EPHB2: variants seen among roughly 807,000 people sequenced by gnomAD.
EPHB2 encodes ephrin type-B receptor 2.
A neutral mutation model predicts 96.4 loss-of-function variants in EPHB2; 18 were observed. That is an observed-to-expected ratio of 0.19 (90% CI 0.13 to 0.28). The LOEUF is 0.28. Among genes scored for constraint, EPHB2 ranks in the 10% least tolerant of loss-of-function variants. The probability of loss-of-function intolerance (pLI) is 1.00; values close to 1 mark genes in which losing one functional copy is unlikely to be tolerated. For missense variants in EPHB2, 989 were observed against 1,355.4 expected (o/e 0.73, Z 4.25); for synonymous variants, 506 against 534.1 (o/e 0.95, Z 0.72).
At chr1:22,904,192 C>G (rs752260531) in intron 9 of EPHB2, among the ~76,000 whole-genome samples, 9 of 151,512 alleles carry the variant, frequency 5.9e-5, no homozygotes, top group Non-Finnish European at 1.3e-4. Context: ...ACTTGGAAGG[C>G]TAAGGTGGGA....
rs1640190270 is a variant in EPHB2, at chr1:22,913,759, A to G, written c.*189A>G. The G allele has an allele frequency of 1.2e-6, 2 of 1,606,776 alleles. No homozygotes were observed. Among genetic ancestry groups the G allele is most frequent in the Admixed American group, 1.7e-5 (1 of 58,448 alleles). ...CATGCAACTCAAACGACGGAAAAAA[A>G]AAGGGAATGGGAAAAAAGAAAACAG... On this transcript the variant is annotated 3_prime_UTR_variant, in exon 16 of 16. Coordinates refer to ENST00000374630, the MANE Select transcript of EPHB2 (RefSeq NM_017449.5). This position sits in a 1 kb window ranked among gnomAD's most constrained non-coding sequence, Gnocchi z 4.1.
In EPHB2 at chr1:22,784,179, T is replaced by C. The variant is rs1391300835; in HGVS notation, c.127-213T>C. On this transcript the variant is annotated intron_variant, in intron 2 of 15. Coordinates refer to ENST00000374630, the MANE Select transcript of EPHB2 (RefSeq NM_017449.5). This position sits in a 1 kb window ranked among gnomAD's most constrained non-coding sequence, Gnocchi z 5.1. ...AGTGTACCCCTGACAGTAAGGGCAA[T>C]GTCTCCCCTGTCAGCTAGCAGAATA... Among the ~76,000 whole-genome samples, 2 of 152,168 alleles carry C rather than the reference T, an allele frequency of 1.3e-5. No individual in the cohort carries two copies. Among genetic ancestry groups the C allele is most frequent in the Admixed American group, 6.5e-5 (1 of 15,278 alleles).
At chr1:22,762,100 C>T (rs1195668267) in intron 1 of EPHB2, among the ~76,000 whole-genome samples, 1 of 152,246 alleles carries the variant, frequency 6.6e-6, no homozygotes, top group Non-Finnish European at 1.5e-5. Flanking sequence ...GCCTCCCCCT[C>T]CTCCCAGCCT....
At chr1:22,847,948 C>G (rs1256058348) in intron 3 of EPHB2, among the ~76,000 whole-genome samples, 1 of 152,152 alleles carries the variant, frequency 6.6e-6, no homozygotes. Flanking sequence ...TTCCTGGGTA[C>G]CCCTAGCTAA....
chr1:22,847,071 G>A (rs1164197571), intron 3 of EPHB2, among the ~76,000 whole-genome samples: 1 of 152,186 alleles, frequency 6.6e-6, no homozygotes, highest in Non-Finnish European at 1.5e-5. Flanking sequence ...GCTGGAGTGG[G>A]TTACTCAGCC....
At chr1:22,738,473 G>A (rs889839408) in intron 1 of EPHB2, among the ~76,000 whole-genome samples, 3 of 152,204 alleles carry the variant, frequency 2.0e-5, no homozygotes, top group African/African-American at 7.2e-5. Context: ...GGTAGGTACT[G>A]TCATTAAACC....
intron 3 of EPHB2, among the ~76,000 whole-genome samples, chr1:22,824,915 C>T (rs927609908): frequency 1.3e-5 from 2 of 152,202 alleles, no homozygotes; most frequent in South Asian, 2.1e-4. Context: ...GACAGCCCAG[C>T]GATGGGCAGA....
At chr1:22,807,078 C>G (rs1258078925) in intron 3 of EPHB2, among the ~76,000 whole-genome samples, 2 of 152,222 alleles carry the variant, frequency 1.3e-5, no homozygotes, top group Non-Finnish European at 2.9e-5. Context: ...GCCATGGGTC[C>G]CACGCTTCGA....
At chr1:22,775,207 G>A in intron 1 of EPHB2, 1 of 779,830 alleles carries the variant, frequency 1.3e-6, no homozygotes, top group East Asian at 2.4e-5. Flanking sequence ...GATGGATGTG[G>A]GTTCCAGTCC....
At chr1:22,814,975 G>A (rs529217920) in intron 3 of EPHB2, among the ~76,000 whole-genome samples, 150 of 152,304 alleles carry the variant, frequency 9.8e-4, no homozygotes, top group African/African-American at 3.4e-3. Context: ...GGAACCAGTC[G>A]CCCTCTATGG....
At chr1:22,865,267 G>A in intron 5 of EPHB2, 55 bp downstream of exon 5, 3 of 1,597,278 alleles carry the variant, frequency 1.9e-6, no homozygotes, top group Admixed American at 1.7e-5. Context: ...TGCCAGGGAG[G>A]GTCCTGCAGT....
chr1:22,813,353 G>C (rs911514353), intron 3 of EPHB2, among the ~76,000 whole-genome samples: 1 of 152,354 alleles, frequency 6.6e-6, no homozygotes, highest in South Asian at 2.1e-4. Flanking sequence ...TGAAGGTGTA[G>C]AGTAGGGTGA....
At chr1:22,758,706 G>A (rs946119573) in intron 1 of EPHB2, among the ~76,000 whole-genome samples, 1 of 151,850 alleles carries the variant, frequency 6.6e-6, no homozygotes, top group Non-Finnish European at 1.5e-5. Context: ...TTCCCTCTCG[G>A]TGACACAGTG....
chr1:22,788,023 A>G (rs990530827), intron 3 of EPHB2, among the ~76,000 whole-genome samples: 1 of 152,230 alleles, frequency 6.6e-6, no homozygotes, highest in Non-Finnish European at 1.5e-5. Flanking sequence ...CAAACACCCA[A>G]GACAGAAGCC....
chr1:22,727,047 A>T (rs993778075), intron 1 of EPHB2, among the ~76,000 whole-genome samples: 5 of 152,148 alleles, frequency 3.3e-5, no homozygotes, highest in Non-Finnish European at 7.3e-5. Context: ...GAGTCCGTTA[A>T]GAGAAGCCTT....
rs1190822390 is a variant in EPHB2 at position 22,920,970 on chromosome 1, T to A, written c.*7400T>A. ...TCTCCCAGGTCACACAGCCAGTAAG[T>A]GGCCTCTGACCCCAGTACCCCCCAC... On this transcript the variant is annotated 3_prime_UTR_variant, in exon 16 of 16. Transcript: ENST00000374630. The A allele has an allele frequency of 6.6e-6, 1 of 152,238 alleles. No individual in the cohort carries two copies. The highest frequency in any genetic ancestry group is 1.5e-5 in the Non-Finnish European group (1 of 68,088). 9.4% of individuals were successfully genotyped at this position (152,238 alleles called of 1,614,324 possible).
rs575190471 is a variant in EPHB2 at position 22,863,877 on chromosome 1, C to A, written c.967+685C>A. On this transcript the variant is annotated intron_variant, in intron 4 of 15. Transcript: ENST00000374630. ...AATACCTGGGATTACAGGCGTGCACCACCACACCCAGCTAATTTTTCTAAT... is the reference window on the plus strand; with the variant it reads ...AATACCTGGGATTACAGGCGTGCACAACCACACCCAGCTAATTTTTCTAAT... Among the ~76,000 whole-genome samples the A allele has an allele frequency of 5.3e-5, 8 of 152,288 alleles. No individual in the cohort carries two copies. The South Asian group carries it at 1.2e-3, about 24-fold the overall frequency.
chr1:22,767,849 C>T (rs539482532), intron 1 of EPHB2, among the ~76,000 whole-genome samples: 1 of 152,304 alleles, frequency 6.6e-6, no homozygotes, highest in South Asian at 2.1e-4. Flanking sequence ...GGTGGGAAAG[C>T]AATGGTCACT....
rs546488873 is a variant in EPHB2, at chr1:22,921,082, C to CG, written c.*7519dup. 2.4e-3 allele frequency: 367 copies of CG among 152,418 alleles called. 3 individuals carry two copies. Among genetic ancestry groups the CG allele is most frequent in the African/African-American group, 8.4e-3 (347 of 41,510 alleles). 9.4% of individuals were successfully genotyped at this position (152,418 alleles called of 1,614,324 possible). A position where few individuals can be genotyped will look rare whatever the true frequency, so the allele number is the denominator to read the frequency against. On this transcript the variant is annotated 3_prime_UTR_variant, in exon 16 of 16. Transcript: ENST00000374630. ...CTTTGCCAGTCAAATCCCAGATCCCCGGGGGGGCACTGTGGCACCCTCTTT... is the reference window on the plus strand; with the variant it reads ...CTTTGCCAGTCAAATCCCAGATCCCCGGGGGGGGCACTGTGGCACCCTCTTT...
Sources: allele counts gnomAD v4.1 joint callset (sites outside exome capture counted in the v4.1 genomes callset), GRCh38; gene constraint gnomAD v4.1.1; non-coding constraint Gnocchi (gnomAD v3.1); transcripts MANE v1.5; gene names NCBI Gene and HGNC (gene_info 2026-07-23, HGNC 2026-07-21).